TNIP3: variants seen among roughly 807,000 people sequenced by gnomAD.
TNIP3 encodes the protein TNFAIP3-interacting protein 3.
Under a neutral mutation model 54.1 loss-of-function variants are expected in TNIP3, and 34 were observed. That is an observed-to-expected ratio of 0.63 (90% CI 0.48 to 0.84). The LOEUF (loss-of-function observed/expected upper bound fraction) is 0.84. TNIP3 is among the 40% of genes least tolerant of loss of function. The pLI is 0.00. For synonymous variants in TNIP3, 134 were observed against 136.8 expected, an observed-to-expected ratio of 0.98 and a Z score of 0.14; for missense variants, 366 against 387.6, an observed-to-expected ratio of 0.94 and a Z score of 0.47.
exon 3 of TNIP3, chr4:121,182,716 G>A: frequency 6.5e-7 from 1 of 1,534,128 alleles, no homozygotes; most frequent in Non-Finnish European, 8.7e-7. Context: ...CATGGCCTCT[G>A]GGGTGAACCG....
intron 2 of TNIP3, among the ~76,000 whole-genome samples, chr4:121,201,441 A>C (rs1327567279): frequency 6.6e-6 from 1 of 152,246 alleles, no homozygotes; most frequent in Non-Finnish European, 1.5e-5. Context: ...AAAATAAAAC[A>C]AAACTCCCAA....
upstream of TNIP3, among the ~76,000 whole-genome samples, chr4:121,220,542 C>A (rs1227960283): frequency 6.6e-6 from 1 of 152,024 alleles, no homozygotes; most frequent in Non-Finnish European, 1.5e-5. Context: ...GTAACTTAAC[C>A]TTTACTAGAT....
chr4:121,154,030 T>C (rs570038343), intron 5 of TNIP3, among the ~76,000 whole-genome samples: 43 of 152,132 alleles, frequency 2.8e-4, no homozygotes, highest in African/African-American at 9.9e-4. Flanking sequence ...CACCCCTGCA[T>C]GCACACACGC....
upstream of TNIP3, among the ~76,000 whole-genome samples, chr4:121,165,166 A>G (rs1730687337): frequency 6.6e-6 from 1 of 151,666 alleles, no homozygotes; most frequent in Admixed American, 6.6e-5. Flanking sequence ...AGATATTCAC[A>G]TATATATAGG....
At chr4:121,167,327 A>G (rs113676870), upstream of TNIP3, among the ~76,000 whole-genome samples, 1 of 152,186 alleles carries the variant, frequency 6.6e-6, no homozygotes, top group African/African-American at 2.4e-5. Context: ...TGATAGAGAC[A>G]ATAAAGCCTG....
At chr4:121,157,033 TC>T (rs1730142598) in intron 4 of TNIP3, 60 bp downstream of exon 4, 4 of 1,601,038 alleles carry the variant, frequency 2.5e-6, no homozygotes, top group Non-Finnish European at 1.7e-6. Flanking sequence ...CTACAGGAAA[TC>T]CCCCCGCCCC....
At chr4:121,227,184 A>G (rs1727293015) in intron 1 of TNIP3, among the ~76,000 whole-genome samples, 1 of 152,244 alleles carries the variant, frequency 6.6e-6, no homozygotes, top group Non-Finnish European at 1.5e-5. Flanking sequence ...GCATTATTAC[A>G]TTTACAACAA....
At chr4:121,147,708 T>A (rs1021738726) in intron 6 of TNIP3, among the ~76,000 whole-genome samples, 5 of 152,180 alleles carry the variant, frequency 3.3e-5, no homozygotes, top group Non-Finnish European at 5.9e-5. Flanking sequence ...GACTGGTATA[T>A]AAAGCTATGA....
intron 10 of TNIP3, chr4:121,137,864 G>C: frequency 2.2e-6 from 1 of 446,922 alleles, no homozygotes; most frequent in South Asian, 1.6e-5. Flanking sequence ...TGTCATATGA[G>C]ACTTTAAACA....
chr4:121,208,119 A>C (rs1726283855), intron 2 of TNIP3, among the ~76,000 whole-genome samples: 1 of 152,182 alleles, frequency 6.6e-6, no homozygotes, highest in Non-Finnish European at 1.5e-5. Flanking sequence ...CCAATCTCAG[A>C]TATGTCTTTA....
intron 2 of TNIP3, chr4:121,182,815 G>A (rs1724791139): frequency 6.5e-7 from 1 of 1,533,660 alleles, no homozygotes; most frequent in Non-Finnish European, 8.7e-7. Flanking sequence ...AAAGACATGG[G>A]AAAGTTACAT....
intron 2 of TNIP3, among the ~76,000 whole-genome samples, chr4:121,190,183 G>T (rs1725231442): frequency 1.3e-5 from 2 of 152,126 alleles, no homozygotes; most frequent in South Asian, 4.2e-4. Flanking sequence ...TAGAGCTTTT[G>T]AAAACACAGT....
intron 2 of TNIP3, among the ~76,000 whole-genome samples, chr4:121,201,789 T>A (rs766402958): frequency 7.2e-5 from 11 of 152,236 alleles, no homozygotes; most frequent in Non-Finnish European, 1.5e-4. Context: ...TATCAGTACA[T>A]GAGGATCACA....
intron 1 of TNIP3, among the ~76,000 whole-genome samples, chr4:121,225,419 AT>A (rs770591577): frequency 5.3e-5 from 8 of 152,124 alleles, no homozygotes; most frequent in Admixed American, 1.3e-4. Flanking sequence ...TTAGAAAAGC[AT>A]TTTTTCTTCT....
At chr4:121,214,911 G>T (rs185865739) in intron 2 of TNIP3, among the ~76,000 whole-genome samples, 1 of 152,126 alleles carries the variant, frequency 6.6e-6, no homozygotes, top group Non-Finnish European at 1.5e-5. Context: ...TTCCGTTGAG[G>T]TAGGTAAAAT....
chr4:121,132,536 CT>C lies in TNIP3; in HGVS notation c.*94del. ...ACAAATAACAGGGTAGATGATGTGC[CT>C]TTGTGGCAGAAACAAGCCTCAGTAT... is the stretch of plus-strand genomic sequence containing the variant. On this transcript the variant is annotated 3_prime_UTR_variant, in exon 11 of 11. Coordinates refer to ENST00000057513, the MANE Select transcript of TNIP3 (RefSeq NM_024873.6). The C allele has an allele frequency of 8.2e-7, 1 of 1,217,702 alleles. No homozygotes were observed. Among genetic ancestry groups the C allele is most frequent in the African/African-American group, 1.5e-5 (1 of 66,668 alleles). 75.4% of individuals were successfully genotyped at this position (1,217,702 alleles called of 1,614,324 possible). A position where few individuals can be genotyped will look rare whatever the true frequency, so the allele number is the denominator to read the frequency against.
chr4:121,157,401 T>C (rs1730184592), intron 3 of TNIP3, 158 bp from the exon 4 acceptor site: 1 of 875,452 alleles, frequency 1.1e-6, no homozygotes, highest in Non-Finnish European at 1.8e-6. Flanking sequence ...CAGATCGGGA[T>C]ACTCGCGTTT....
intron 9 of TNIP3, 55 bp downstream of exon 9, chr4:121,141,761 A>G (rs1453972684): frequency 8.3e-7 from 1 of 1,207,872 alleles, no homozygotes; most frequent in Non-Finnish European, 1.1e-6. Context: ...AGAGATGCAC[A>G]TAATTTCTAC....
At position 121,150,072 on chromosome 4, in the gene TNIP3, C is replaced by T. The variant is rs1163168382; in HGVS notation, c.609+31G>A. ...GCATGAAAAATGGGCAGTATGTTCT[C>T]CACAGGATCATGCCACTTCCAGCTT... On this transcript the variant is annotated intron_variant, in intron 6 of 10. Transcript: ENST00000057513. The T allele has an allele frequency of 2.1e-6, 3 of 1,460,110 alleles. No homozygotes were observed. The African/African-American group carries it at 4.2e-5, about 20-fold the overall frequency. 90.4% of individuals were successfully genotyped at this position (1,460,110 alleles called of 1,614,324 possible).
Sources: gnomAD v4.1 joint callset for allele counts (sites outside exome capture counted in the v4.1 genomes callset) on GRCh38, gnomAD v4.1.1 for gene constraint, MANE v1.5 for transcripts, NCBI Gene and HGNC (gene_info 2026-07-23, HGNC 2026-07-21) for gene names.